Variants in VILL observed in about 807,000 individuals in gnomAD.
The protein encoded by VILL is villin like, also known as villin-like protein.
Under a neutral mutation model 106.3 loss-of-function variants are expected in VILL, and 102 were observed. The ratio of observed to expected loss-of-function variants is 0.96; its 90% CI spans 0.82 to 1.13. The LOEUF is 1.13. Ranked by LOEUF, VILL falls within the 50% of genes most tolerant of loss-of-function variation. The probability of loss-of-function intolerance (pLI) is 0.00; values close to 1 mark genes in which losing one functional copy is unlikely to be tolerated. For missense variants in VILL, 1,076 were observed against 1,116.6 expected (o/e 0.96, Z 0.52); for synonymous variants, 431 against 440.3 (o/e 0.98, Z 0.27).
In VILL at chr3:37,998,911, GGGC is replaced by G; in HGVS notation, c.943_945del (p.Gly315del). 6.3e-7 allele frequency: 1 copy of G among 1,594,132 alleles called. No individual in the cohort carries two copies. Among genetic ancestry groups the G allele is most frequent in the South Asian group, 1.1e-5 (1 of 90,564 alleles). ...AGGACTGACGATGCCTTCCGCCCCA[GGGC>G]TTCATCCAGGCCAAGGGCTACCCGA... On this transcript the variant is annotated inframe_deletion and splice_region_variant, in exon 10 of 20. Transcript: ENST00000383759. This position sits in a 1 kb window ranked among gnomAD's most constrained non-coding sequence, Gnocchi z 4.1.
At chr3:37,999,297 G>T (rs367728851) in intron 10 of VILL, 42 bp from the exon 11 acceptor site, 14 of 1,429,332 alleles carry the variant, frequency 9.8e-6, no homozygotes, top group Admixed American at 2.5e-5. Context: ...GGTGTTGGGG[G>T]GGGGCAGAGG....
intron 11 of VILL, 190 bp from the exon 12 acceptor site, chr3:38,001,266 G>A (rs1359276093): frequency 3.6e-6 from 3 of 834,216 alleles, no homozygotes; most frequent in Non-Finnish European, 5.5e-6. Context: ...GTGGGGAAAG[G>A]GTCACCTGCA....
At chr3:37,989,620 G>A (rs534457101), upstream of VILL, among the ~76,000 whole-genome samples, 17 of 152,220 alleles carry the variant, frequency 1.1e-4, no homozygotes, top group African/African-American at 3.6e-4. Context: ...GGGAAGAGTC[G>A]GTGGGAAGAA....
At chr3:37,989,676 G>A (rs577762686), upstream of VILL, among the ~76,000 whole-genome samples, 3 of 152,306 alleles carry the variant, frequency 2.0e-5, no homozygotes, top group East Asian at 5.8e-4. Flanking sequence ...AAAGGGACAG[G>A]GAAACGGGTA....
At position 37,998,892 on chromosome 3, in the gene VILL, G is replaced by A; in HGVS notation, c.943-20G>A. The A allele has an allele frequency of 6.3e-7, 1 of 1,585,020 alleles. No individual in the cohort carries two copies. Among genetic ancestry groups the A allele is most frequent in the Non-Finnish European group, 8.6e-7 (1 of 1,158,740 alleles). On this transcript the variant is annotated intron_variant, in intron 9 of 19. Transcript: ENST00000383759. This position sits in a 1 kb window ranked among gnomAD's most constrained non-coding sequence, Gnocchi z 4.1. ...AGTGGACTCTCAGGGTCGCAGGACT[G>A]ACGATGCCTTCCGCCCCAGGGCTTC... is the stretch of plus-strand genomic sequence containing the variant.
In VILL at chr3:38,001,813, C is replaced by A; in HGVS notation, c.1432C>A (p.Pro478Thr). Reference protein sequence around the residue: ...VQEHVTMGSEPPHFLAIFQGQ... With the variant: ...VQEHVTMGSETPHFLAIFQGQ... ...GGAGCATGTGACCATGGGCAGCGAGCCCCCCCACTTCCTCGCCATCTTCCA... is the reference window on the plus strand; with the variant it reads ...GGAGCATGTGACCATGGGCAGCGAGACCCCCCACTTCCTCGCCATCTTCCA... Residue 478 changes from proline to threonine, a missense_variant, in exon 13 of 20, where the codon CCC becomes ACC. Transcript: ENST00000383759. The A allele has an allele frequency of 6.2e-7, 1 of 1,614,174 alleles. No individual in the cohort carries two copies. Among genetic ancestry groups the A allele is most frequent in the Non-Finnish European group, 8.5e-7 (1 of 1,180,020 alleles).
chr3:37,996,264 T>TC (rs1699699340), intron 5 of VILL, among the ~76,000 whole-genome samples: 1 of 152,130 alleles, frequency 6.6e-6, no homozygotes, highest in Non-Finnish European at 1.5e-5. Flanking sequence ...AGCAGCACAG[T>TC]GAGAGGTGGT....
At chr3:37,988,461 G>A (rs536431199), upstream of VILL, among the ~76,000 whole-genome samples, 4 of 152,216 alleles carry the variant, frequency 2.6e-5, no homozygotes, top group Admixed American at 6.5e-5. Context: ...TGTTTAATGG[G>A]TGCAGAGTTG....
At chr3:38,001,396 G>C in intron 11 of VILL, 60 bp from the exon 12 acceptor site, 2 of 1,598,858 alleles carry the variant, frequency 1.3e-6, no homozygotes, top group Non-Finnish European at 8.5e-7. Flanking sequence ...TTGGGTACAG[G>C]ATGGGTGGGC....
chr3:38,004,218 C>T (rs1699872181), intron 15 of VILL, 37 bp from the exon 16 acceptor site: 33 of 1,587,918 alleles, frequency 2.1e-5, no homozygotes, highest in Non-Finnish European at 2.8e-5. Flanking sequence ...GGGTGCCCCT[C>T]TGGGTGGCTC....
rs756409813 is a variant in VILL at position 38,006,971 on chromosome 3, T to TATC, written c.2488_2490dup (p.Ile830dup). ...ATCTCTCAGACTCTGACTTCCAAGA[T>TATC]ATCTTTGGGAAATCCAAGGAGGAAT... On this transcript the variant is annotated inframe_insertion, in exon 20 of 20. Transcript: ENST00000383759. The TATC allele has an allele frequency of 5.0e-6, 8 of 1,613,962 alleles. 1 individual carries two copies. The highest frequency in any genetic ancestry group is 4.4e-5 in the South Asian group (4 of 91,084).
chr3:38,001,447 A>G lies in VILL; in HGVS notation c.1183-9A>G. ...AGCCACCTGTGCCCATTGGTCCCTT[A>G]TTCCCCAGGTGTGGTGCATCCAGGA... On this transcript the variant is annotated splice_polypyrimidine_tract_variant and intron_variant, in intron 11 of 19. Coordinates refer to ENST00000383759, the MANE Select transcript of VILL (RefSeq NM_015873.4). 1 of 1,613,542 alleles carries G rather than the reference A, an allele frequency of 6.2e-7. No individual in the cohort carries two copies. Among genetic ancestry groups the G allele is most frequent in the South Asian group, 1.1e-5 (1 of 91,060 alleles).
intron 13 of VILL, 142 bp from the exon 14 acceptor site, chr3:38,002,254 G>A: frequency 6.7e-6 from 5 of 746,120 alleles, no homozygotes; most frequent in Non-Finnish European, 1.1e-5. Context: ...AGAGGGTCCT[G>A]TACTCCTCAT....
chr3:38,007,163 T>C lies in VILL; in HGVS notation c.*108T>C, dbSNP rs1699951522. On this transcript the variant is annotated 3_prime_UTR_variant, in exon 20 of 20. Coordinates refer to ENST00000383759, the MANE Select transcript of VILL (RefSeq NM_015873.4). The stretch of plus-strand genomic sequence containing the variant: ...GAGGCTTTTGGTCATCCTCTGCGTG[T>C]CAGTAAAAGCAGGCAGCCCATACGA... 2.5e-5 allele frequency: 23 copies of C among 917,690 alleles called. 1 individual carries two copies. The South Asian group carries it at 3.4e-4, about 13-fold the overall frequency. The allele number at this position is 917,690 out of a possible 1,614,324, so 56.8% of individuals were successfully genotyped here. A position where few individuals can be genotyped will look rare whatever the true frequency, so the allele number is the denominator to read the frequency against.
intron 16 of VILL, among the ~76,000 whole-genome samples, chr3:38,005,101 T>G (rs140822903): frequency 6.6e-6 from 1 of 152,100 alleles, no homozygotes; most frequent in Admixed American, 6.5e-5. Context: ...GATGACTGTG[T>G]GTCTGTGTAA....
At chr3:37,992,867 G>T (rs1699630392) in intron 1 of VILL, among the ~76,000 whole-genome samples, 1 of 152,184 alleles carries the variant, frequency 6.6e-6, no homozygotes, top group African/African-American at 2.4e-5. Flanking sequence ...CACCTATTGT[G>T]CCACACCTGA....
chr3:37,999,136 GTGAGCGGGCGGGGCGGGGCC>G (rs1699765378), intron 10 of VILL, 86 bp downstream of exon 10: 1 of 1,036,588 alleles, frequency 9.6e-7, no homozygotes, highest in African/African-American at 1.7e-5. Flanking sequence ...GTTGGGATGG[GTGAGCGGGCGGGGCGGGGCC>G]GGAGGGGGCG....
At chr3:37,991,084 A>C (rs1318301094) in intron 1 of VILL, 1 of 152,288 alleles carries the variant, frequency 6.6e-6, no homozygotes, top group Non-Finnish European at 1.5e-5. Context: ...CCACAAATTC[A>C]GTGTGCCTGC....
Position 37,993,740 on chromosome 3 carries a change from G to A in VILL, c.60+8G>A, listed in dbSNP as rs1344816895. ...CACATATGGATCTCTGAGGTGAGAG[G>A]CACGACCAAATAGGAGAGTTGGTGA... On this transcript the variant is annotated splice_region_variant and intron_variant, in intron 2 of 19. Transcript: ENST00000383759. The A allele has an allele frequency of 8.7e-6, 14 of 1,613,876 alleles. No homozygotes were observed. Among genetic ancestry groups the A allele is most frequent in the Non-Finnish European group, 1.2e-5 (14 of 1,179,930 alleles).
Sources: allele counts gnomAD v4.1 joint callset (sites outside exome capture counted in the v4.1 genomes callset), GRCh38; gene constraint gnomAD v4.1.1; non-coding constraint Gnocchi (gnomAD v3.1); transcripts MANE v1.5; gene names NCBI Gene and HGNC (gene_info 2026-07-23, HGNC 2026-07-21).